Variants in PUM1 observed in about 807,000 individuals in gnomAD.
The protein encoded by PUM1 is pumilio RNA binding family member 1.
Under a neutral mutation model 131.8 loss-of-function variants are expected in PUM1, and 13 were observed. The observed-to-expected ratio is 0.10, with a 90% CI of 0.06 to 0.16. The LOEUF (loss-of-function observed/expected upper bound fraction) is 0.16. PUM1 is among the 10% of genes least tolerant of loss of function. PUM1 has a pLI of 1.00. For missense variants in PUM1, 961 were observed against 1,512.4 expected (o/e 0.64, Z 6.05); for synonymous variants, 509 against 556.5 (o/e 0.91, Z 1.20).
intron 5 of PUM1, among the ~76,000 whole-genome samples, chr1:31,004,724 T>TA (rs955452652): frequency 1.3e-5 from 2 of 152,182 alleles, no homozygotes; most frequent in Non-Finnish European, 2.9e-5. Flanking sequence ...GAACTACTGT[T>TA]ACTCTAACAA....
intron 14 of PUM1, among the ~76,000 whole-genome samples, chr1:30,960,427 AG>A (rs1483375001): frequency 2.0e-5 from 3 of 152,216 alleles, no homozygotes; most frequent in Non-Finnish European, 4.4e-5. Flanking sequence ...GACAAGAAAA[AG>A]AAAAGTCATC....
intron 2 of PUM1, among the ~76,000 whole-genome samples, chr1:31,031,057 G>C (rs1643410885): frequency 6.6e-6 from 1 of 152,154 alleles, no homozygotes; most frequent in Non-Finnish European, 1.5e-5. Flanking sequence ...ATGGTGTTTA[G>C]ATTATTAGAT....
At chr1:30,944,781 T>TA (rs1217897014) in intron 18 of PUM1, among the ~76,000 whole-genome samples, 31 of 152,214 alleles carry the variant, frequency 2.0e-4, no homozygotes, top group African/African-American at 7.0e-4. Context: ...ATTCTTCAAA[T>TA]ATGAGATTTC....
intron 1 of PUM1, among the ~76,000 whole-genome samples, chr1:31,059,876 T>C (rs1426410234): frequency 6.6e-6 from 1 of 151,806 alleles, no homozygotes; most frequent in Non-Finnish European, 1.5e-5. Flanking sequence ...ACAAGAGTTT[T>C]GCCCCTGTTG....
chr1:31,028,969 T>C, intron 2 of PUM1, 105 bp from the exon 3 acceptor site: 2 of 886,564 alleles, frequency 2.3e-6, no homozygotes, highest in African/African-American at 1.6e-5. Flanking sequence ...TTTCAGACAT[T>C]GGCAAAGACA....
intron 2 of PUM1, among the ~76,000 whole-genome samples, chr1:31,052,512 T>TG (rs1644136225): frequency 6.6e-6 from 1 of 151,296 alleles, no homozygotes; most frequent in Non-Finnish European, 1.5e-5. Context: ...TACAGGCATA[T>TG]GCCACCATGC....
At chr1:31,023,991 A>G (rs1170118689) in intron 3 of PUM1, among the ~76,000 whole-genome samples, 1 of 151,962 alleles carries the variant, frequency 6.6e-6, no homozygotes, top group East Asian at 1.9e-4. Flanking sequence ...GGGAAAGTCA[A>G]TCTAAAAGGA....
At chr1:30,996,136 C>T (rs985224191) in intron 5 of PUM1, among the ~76,000 whole-genome samples, 1 of 152,144 alleles carries the variant, frequency 6.6e-6, no homozygotes, top group Non-Finnish European at 1.5e-5. Context: ...GAGAGATTTG[C>T]AGAACCTTAC....
rs562386400 is a variant in PUM1 at position 30,970,934 on chromosome 1, A to G, written c.1507-2442T>C. Among the ~76,000 whole-genome samples, 15 of 152,332 alleles carry G rather than the reference A, an allele frequency of 9.8e-5. No individual in the cohort carries two copies. The South Asian group carries it at 3.1e-3, about 32-fold the overall frequency. On this transcript the variant is annotated intron_variant, in intron 10 of 21. Transcript: ENST00000426105. ...GACAAGGTACCTAAAGAGGTAGTCT[A>G]AGACTATTGATGAGTCTTGTAATAA...
At chr1:30,938,962 GATACATAC>G (rs1166525909) in intron 20 of PUM1, among the ~76,000 whole-genome samples, 1 of 150,036 alleles carries the variant, frequency 6.7e-6, no homozygotes, top group African/African-American at 2.4e-5. Context: ...CAGATAGACA[GATACATAC>G]ATACATACAT....
At chr1:31,064,779 G>T (rs1309680844) in intron 1 of PUM1, among the ~76,000 whole-genome samples, 10 of 64,842 alleles carry the variant, frequency 1.5e-4, no homozygotes, top group East Asian at 6.0e-4. Context: ...GGGGGGGGGG[G>T]GCTATAGGAG....
chr1:31,025,704 C>T (rs1386173410), intron 3 of PUM1, among the ~76,000 whole-genome samples: 1 of 151,812 alleles, frequency 6.6e-6, no homozygotes, highest in African/African-American at 2.4e-5. Flanking sequence ...TACAGGCGCA[C>T]ACCATCACGC....
chr1:30,995,301 T>A, intron 5 of PUM1, 81 bp from the exon 6 acceptor site: 1 of 1,418,686 alleles, frequency 7.0e-7, no homozygotes, highest in Non-Finnish European at 9.9e-7. Context: ...CAGACTACAC[T>A]AGATGCTACT....
intron 2 of PUM1, among the ~76,000 whole-genome samples, chr1:31,038,078 C>CAA (rs200678086): frequency 6.0e-4 from 43 of 71,092 alleles, no homozygotes; most frequent in African/African-American, 1.0e-3. Context: ...GACTCCATCT[C>CAA]AAAAAAAAAA....
chr1:30,995,348 A>T, intron 5 of PUM1, 128 bp from the exon 6 acceptor site: 1 of 988,866 alleles, frequency 1.0e-6, no homozygotes, highest in Non-Finnish European at 1.5e-6. Context: ...CACACATTAC[A>T]ATCTAATTAA....
intron 20 of PUM1, among the ~76,000 whole-genome samples, chr1:30,940,594 A>T (rs1019931186): frequency 5.9e-5 from 9 of 152,260 alleles, no homozygotes; most frequent in African/African-American, 1.9e-4. Flanking sequence ...TTATGTGGGC[A>T]GTAGGACATA....
At chr1:30,979,541 T>C (rs1030494087) in intron 9 of PUM1, among the ~76,000 whole-genome samples, 10 of 151,704 alleles carry the variant, frequency 6.6e-5, no homozygotes, top group Non-Finnish European at 1.3e-4. Flanking sequence ...TCCAAGTAAG[T>C]TGTAATGATC....
At chr1:31,039,710 G>A (rs1293062527) in intron 2 of PUM1, among the ~76,000 whole-genome samples, 2 of 151,894 alleles carry the variant, frequency 1.3e-5, no homozygotes, top group Admixed American at 6.6e-5. Flanking sequence ...AGACCAGCCT[G>A]GCTGACATGG....
At chr1:31,035,317 C>T (rs182064951) in intron 2 of PUM1, among the ~76,000 whole-genome samples, 134 of 151,136 alleles carry the variant, frequency 8.9e-4, no homozygotes, top group Non-Finnish European at 9.9e-4. Context: ...CACTTGAGCC[C>T]GAGAGGCGGA....
Sources: gnomAD v4.1 joint callset for allele counts (sites outside exome capture counted in the v4.1 genomes callset) on GRCh38, gnomAD v4.1.1 for gene constraint, MANE v1.5 for transcripts, NCBI Gene and HGNC (gene_info 2026-07-23, HGNC 2026-07-21) for gene names.